Variants in TNNI3K observed in about 807,000 individuals in gnomAD.
TNNI3K encodes the protein TNNI3 interacting kinase, also known as serine/threonine-protein kinase TNNI3K.
A neutral mutation model predicts 114.5 loss-of-function variants in TNNI3K; 140 were observed. That is an observed-to-expected ratio of 1.22 (90% CI 1.07 to 1.41). The LOEUF is 1.41. TNNI3K is among the 40% of genes most tolerant of loss of function. The pLI, the probability that TNNI3K is intolerant of heterozygous loss-of-function variation, is 0.00. For synonymous variants in TNNI3K, 347 were observed against 347.5 expected (o/e 1.00, Z 0.02); for missense variants, 1,125 against 1,007.6 (o/e 1.12, Z -1.58).
intron 22 of TNNI3K, among the ~76,000 whole-genome samples, chr1:74,490,193 A>C (rs1187321445): frequency 1.3e-5 from 2 of 152,074 alleles, no homozygotes; most frequent in Non-Finnish European, 2.9e-5. Context: ...CTTTTGTGTA[A>C]AAAGAAGCTT....
chr1:74,522,614 GT>G (rs1346766007), intron 23 of TNNI3K, among the ~76,000 whole-genome samples: 2 of 151,846 alleles, frequency 1.3e-5, no homozygotes, highest in East Asian at 3.9e-4. Context: ...GTAAGTAGCT[GT>G]TTTTCTGGTC....
intron 20 of TNNI3K, among the ~76,000 whole-genome samples, chr1:74,450,676 G>A (rs1010642657): frequency 1.8e-4 from 28 of 152,174 alleles, no homozygotes; most frequent in Non-Finnish European, 3.1e-4. Context: ...TTAGAGAAAC[G>A]CAGATCAAAA....
intron 9 of TNNI3K, among the ~76,000 whole-genome samples, chr1:74,344,863 A>G (rs1660918289): frequency 6.6e-6 from 1 of 152,154 alleles, no homozygotes; most frequent in Non-Finnish European, 1.5e-5. Flanking sequence ...AATATTTATA[A>G]AAGAAACTCC....
chr1:74,534,629 T>G (rs1393561321), intron 23 of TNNI3K, among the ~76,000 whole-genome samples: 1 of 152,192 alleles, frequency 6.6e-6, no homozygotes, highest in East Asian at 1.9e-4. Flanking sequence ...GTATTTCTTC[T>G]TGGGACTTGC....
chr1:74,324,000 G>T (rs1557497020), intron 5 of TNNI3K, among the ~76,000 whole-genome samples: 1 of 152,200 alleles, frequency 6.6e-6, no homozygotes, highest in East Asian at 1.9e-4. Context: ...TCTTAAGGAA[G>T]AAGTAGACAA....
chr1:74,439,661 A>G (rs201713803), intron 20 of TNNI3K, 39 bp downstream of exon 20: 182 of 1,600,310 alleles, frequency 1.1e-4, no homozygotes, highest in Non-Finnish European at 2.3e-5. Flanking sequence ...TGTTTTACAG[A>G]GTTCACTGGA....
intron 21 of TNNI3K, among the ~76,000 whole-genome samples, chr1:74,487,295 C>A (rs76668425): frequency 0.014 from 2,191 of 152,078 alleles, 55 homozygotes; most frequent in African/African-American, 0.05. Flanking sequence ...TCCACAGAAA[C>A]AAAAGTGAGG....
At chr1:74,351,733 A>T (rs1426514804) in intron 9 of TNNI3K, among the ~76,000 whole-genome samples, 3 of 152,162 alleles carry the variant, frequency 2.0e-5, no homozygotes, top group African/African-American at 7.2e-5. Flanking sequence ...TCCATCACTG[A>T]TACCCTTTCT....
chr1:74,388,376 T>G (rs190935358), intron 17 of TNNI3K, among the ~76,000 whole-genome samples: 9 of 152,270 alleles, frequency 5.9e-5, no homozygotes, highest in African/African-American at 2.2e-4. Context: ...ACATTAATCA[T>G]CTCGAGAAAT....
rs560018671 is a variant in TNNI3K at position 74,331,455 on chromosome 1, T to C, written c.450T>C (p.Ala150=). The C allele has an allele frequency of 6.2e-7, 1 of 1,613,200 alleles. No homozygotes were observed. Among genetic ancestry groups the C allele is most frequent in the African/African-American group, 1.3e-5 (1 of 75,042 alleles). Residue 150 remains alanine (A), a synonymous_variant, in exon 6 of 25, where the codon GCT becomes GCC. Coordinates refer to ENST00000326637, the MANE Select transcript of TNNI3K (RefSeq NM_015978.3). ...ATAATCATTTTCTTGTCCAGGCTGCTGATGTGCTGTTGCAACATGGAGCTA... is the reference window on the plus strand; with the variant it reads ...ATAATCATTTTCTTGTCCAGGCTGCCGATGTGCTGTTGCAACATGGAGCTA... ...IATIAGHLEA[A]DVLLQHGANV...
At chr1:74,291,065 A>G (rs1657648623) in intron 5 of TNNI3K, among the ~76,000 whole-genome samples, 1 of 151,652 alleles carries the variant, frequency 6.6e-6, no homozygotes, top group Admixed American at 6.6e-5. Flanking sequence ...GCATGCAACG[A>G]CCACCAGTTT....
chr1:74,369,679 T>G, intron 16 of TNNI3K, 94 bp downstream of exon 16: 1 of 1,362,788 alleles, frequency 7.3e-7, no homozygotes. Flanking sequence ...AGCCTTCACC[T>G]TTTGAAATCT....
chr1:74,471,501 G>A (rs1054832155), intron 21 of TNNI3K: 4 of 400,424 alleles, frequency 1.0e-5, no homozygotes, highest in Non-Finnish European at 1.3e-5. Context: ...TCCCTTTGAG[G>A]TCAGACTGAG....
intron 13 of TNNI3K, 183 bp from the exon 14 acceptor site, chr1:74,368,839 G>A (rs1238901167): frequency 1.9e-6 from 1 of 537,124 alleles, no homozygotes; most frequent in African/African-American, 2.0e-5. Context: ...TTTTAATGCA[G>A]GGGGGTAGGG....
At chr1:74,310,192 AT>A (rs1658904377) in intron 5 of TNNI3K, among the ~76,000 whole-genome samples, 1 of 152,158 alleles carries the variant, frequency 6.6e-6, no homozygotes, top group Non-Finnish European at 1.5e-5. Context: ...CAAATCAAGA[AT>A]GCAATCCCAC....
chr1:74,369,555 C>A lies in TNNI3K; in HGVS notation c.1637C>A (p.Ser546Tyr). Residue 546 changes from serine to tyrosine, a missense_variant, in exon 16 of 25, where the codon TCT (serine) becomes TAT (tyrosine). Coordinates refer to ENST00000326637, the MANE Select transcript of TNNI3K (RefSeq NM_015978.3). ...AIVTQYISGG[S>Y]LFSLLHEQKR... ...GTCACTCAATACATATCAGGGGGTTCTCTGTTCTCCCTCCTTCATGAGCAG... is the reference window on the plus strand; with the variant it reads ...GTCACTCAATACATATCAGGGGGTTATCTGTTCTCCCTCCTTCATGAGCAG... The A allele has an allele frequency of 6.2e-7, 1 of 1,610,728 alleles. No individual in the cohort carries two copies. The highest frequency in any genetic ancestry group is 8.5e-7 in the Non-Finnish European group (1 of 1,178,394).
chr1:74,421,162 T>G (rs1213567723), intron 17 of TNNI3K, among the ~76,000 whole-genome samples: 1 of 152,148 alleles, frequency 6.6e-6, no homozygotes, highest in Non-Finnish European at 1.5e-5. Flanking sequence ...TTAAAGGCTC[T>G]TCCTGATATT....
At chr1:74,361,201 T>C (rs1661948717) in intron 11 of TNNI3K, among the ~76,000 whole-genome samples, 1 of 152,074 alleles carries the variant, frequency 6.6e-6, no homozygotes, top group Admixed American at 6.6e-5. Context: ...TTTCCATGCA[T>C]TGGAACTGCA....
At chr1:74,475,420 A>G (rs1184295231) in intron 21 of TNNI3K, 3 of 717,132 alleles carry the variant, frequency 4.2e-6, no homozygotes, top group South Asian at 3.0e-5. Flanking sequence ...AAAAGCTCTC[A>G]TATTTCCAGG....
Sources: allele counts gnomAD v4.1 joint callset (sites outside exome capture counted in the v4.1 genomes callset), GRCh38; gene constraint gnomAD v4.1.1; transcripts MANE v1.5; gene names NCBI Gene and HGNC (gene_info 2026-07-23, HGNC 2026-07-21).